The following TNKS variants were observed in gnomAD, a reference collection of about 807,000 sequenced individuals.
TNKS encodes poly [ADP-ribose] polymerase tankyrase-1.
TNKS carries 72 observed loss-of-function variants against 135.8 expected under a neutral mutation model. The observed-to-expected ratio is 0.53, with a 90% CI of 0.44 to 0.64. TNKS has a LOEUF of 0.64. TNKS is among the 30% of genes least tolerant of loss of function. The pLI, the probability that TNKS is intolerant of heterozygous loss-of-function variation, is 0.00. For synonymous variants in TNKS, 849 were observed against 649.3 expected (o/e 1.31, Z -4.68); for missense variants, 1,769 against 1,674.0 (o/e 1.06, Z -0.99).
intron 23 of TNKS, 44 bp downstream of exon 23, chr8:9,764,834 T>C: frequency 6.6e-7 from 1 of 1,506,198 alleles, no homozygotes; most frequent in South Asian, 1.3e-5. Context: ...TTGCAAGGCT[T>C]GCCTAAAAAC....
In TNKS at chr8:9,708,717, T is replaced by C. The variant is rs186185163; in HGVS notation, c.1578+225T>C. ...ACCTCAATTTGGAAATTATTTTACC[T>C]TTGTCTTCCCCACCTCATTATAACA... is the stretch of plus-strand genomic sequence containing the variant. On this transcript the variant is annotated intron_variant, in intron 9 of 26. Coordinates refer to ENST00000310430, the MANE Select transcript of TNKS (RefSeq NM_003747.3). Among the ~76,000 whole-genome samples, 47 of 152,282 alleles carry C rather than the reference T, an allele frequency of 3.1e-4. No homozygotes were observed. In the Middle Eastern group the frequency reaches 0.01, roughly 33 times the overall value.
At chr8:9,568,812 C>CT (rs36100282) in intron 1 of TNKS, among the ~76,000 whole-genome samples, 37,490 of 151,978 alleles carry the variant, frequency 0.25, 4,802 homozygotes, top group East Asian at 0.4. Flanking sequence ...CTCTTTGATT[C>CT]TGTACCCACA....
chr8:9,703,126 C>G (rs1188759723), intron 5 of TNKS, among the ~76,000 whole-genome samples: 1 of 152,156 alleles, frequency 6.6e-6, no homozygotes, highest in African/African-American at 2.4e-5. Context: ...CGGTAGATGC[C>G]TGAAGCCTCG....
chr8:9,644,754 T>C (rs1050433716), intron 3 of TNKS, among the ~76,000 whole-genome samples: 20 of 152,314 alleles, frequency 1.3e-4, no homozygotes, highest in Non-Finnish European at 2.5e-4. Flanking sequence ...CCTCGACTTA[T>C]GTTAGTTTGA....
intron 6 of TNKS, among the ~76,000 whole-genome samples, chr8:9,704,962 A>G (rs183328002): frequency 6.6e-6 from 1 of 152,298 alleles, no homozygotes; most frequent in African/African-American, 2.4e-5. Flanking sequence ...AATCAATTTA[A>G]TTTTATCACC....
intron 2 of TNKS, among the ~76,000 whole-genome samples, chr8:9,612,011 G>A (rs775537392): frequency 1.3e-5 from 2 of 151,986 alleles, no homozygotes; most frequent in Non-Finnish European, 2.9e-5. Flanking sequence ...ATTTTAGATC[G>A]TAATGCTTCA....
rs60138689 is a variant in TNKS, at chr8:9,721,298, T to TTATATATATATATATATATATATATATA, written c.1921+767_1921+768insTATATATATATATATATATATATATATA. Among the ~76,000 whole-genome samples, 610 of 117,978 alleles carry TTATATATATATATATATATATATATATA rather than the reference T, an allele frequency of 5.2e-3. 14 individuals carry two copies. Among genetic ancestry groups the TTATATATATATATATATATATATATATA allele is most frequent in the Middle Eastern group, 0.024 (5 of 210 alleles). The allele number at this position is 117,978 out of a possible 152,430, so 77.4% of individuals were successfully genotyped here. A position where few individuals can be genotyped will look rare whatever the true frequency, so the allele number is the denominator to read the frequency against. On this transcript the variant is annotated intron_variant, in intron 12 of 26. Coordinates refer to ENST00000310430, the MANE Select transcript of TNKS (RefSeq NM_003747.3). ...TCTGTCTCAAAAATAAATAAATAAA[T>TTATATATATATATATATATATATATATA]TATATATATATATAAAATTATAAAA...
At chr8:9,693,229 C>T (rs1803359927) in intron 5 of TNKS, among the ~76,000 whole-genome samples, 1 of 152,126 alleles carries the variant, frequency 6.6e-6, no homozygotes, top group African/African-American at 2.4e-5. Flanking sequence ...AATGGAAATA[C>T]TGTACAGCTC....
At chr8:9,580,590 C>T (rs1397117932) in intron 2 of TNKS, among the ~76,000 whole-genome samples, 1 of 152,098 alleles carries the variant, frequency 6.6e-6, no homozygotes, top group African/African-American at 2.4e-5. Flanking sequence ...CAAATGCAGT[C>T]AAATGCCTAT....
intron 3 of TNKS, among the ~76,000 whole-genome samples, chr8:9,634,150 A>G (rs1034618334): frequency 6.6e-6 from 1 of 151,114 alleles, no homozygotes; most frequent in Non-Finnish European, 1.5e-5. Context: ...GATAAACCAG[A>G]AAACATTGAA....
rs565701152 is a variant in TNKS at position 9,647,925 on chromosome 8, C to G, written c.995-32026C>G. The stretch of plus-strand genomic sequence containing the variant: ...GGTATAGCCTGTTGCTCCTAGAGTA[C>G]AAACCTGTACAGCATGTTACTCCAC... On this transcript the variant is annotated intron_variant, in intron 3 of 26. Coordinates refer to ENST00000310430, the MANE Select transcript of TNKS (RefSeq NM_003747.3). 8.7e-4 allele frequency among the ~76,000 whole-genome samples: 132 copies of G among 152,278 alleles called. 1 individual carries two copies. The highest frequency in any genetic ancestry group is 3.1e-3 in the African/African-American group (128 of 41,550).
At chr8:9,607,670 T>C (rs1799282758) in intron 2 of TNKS, among the ~76,000 whole-genome samples, 1 of 152,218 alleles carries the variant, frequency 6.6e-6, no homozygotes, top group Non-Finnish European at 1.5e-5. Context: ...TAACATGTTG[T>C]ATTATACTAT....
At position 9,589,215 on chromosome 8, in the gene TNKS, G is replaced by A. The variant is rs994251188; in HGVS notation, c.898+8832G>A. On this transcript the variant is annotated intron_variant, in intron 2 of 26. Transcript: ENST00000310430. ...TTGAATAAATGTAATCAGAAAGTAG[G>A]ATACTAGAAGCAGGACATACATTCT... Among the ~76,000 whole-genome samples, 8 of 152,256 alleles carry A rather than the reference G, an allele frequency of 5.3e-5. No homozygotes were observed. The South Asian group carries it at 1.0e-3, about 20-fold the overall frequency.
intron 17 of TNKS, among the ~76,000 whole-genome samples, chr8:9,746,769 G>A (rs184454964): frequency 1.0e-3 from 157 of 151,782 alleles, no homozygotes; most frequent in African/African-American, 3.7e-3. Flanking sequence ...CCCCTCGACT[G>A]TGCTCCAACC....
chr8:9,747,082 T>A (rs1318377909), intron 17 of TNKS, among the ~76,000 whole-genome samples: 1 of 151,698 alleles, frequency 6.6e-6, no homozygotes, highest in Non-Finnish European at 1.5e-5. Flanking sequence ...GGGGTTTCAC[T>A]ATGTTGGCCA....
intron 3 of TNKS, among the ~76,000 whole-genome samples, chr8:9,640,415 T>C (rs1431114448): frequency 6.9e-6 from 1 of 145,096 alleles, no homozygotes; most frequent in African/African-American, 2.6e-5. Flanking sequence ...CATATGAACT[T>C]TGGGGGATAC....
chr8:9,566,053 C>T (rs982083999), intron 1 of TNKS, among the ~76,000 whole-genome samples: 2 of 152,016 alleles, frequency 1.3e-5, no homozygotes, highest in African/African-American at 4.8e-5. Flanking sequence ...TAATACTCAT[C>T]AACCGTAGAA....
At chr8:9,615,274 C>T (rs564984743) in intron 2 of TNKS, 63 of 208,328 alleles carry the variant, frequency 3.0e-4, no homozygotes, top group Non-Finnish European at 2.3e-4. Flanking sequence ...TGTGAGCCAG[C>T]GAGCACATAG....
chr8:9,658,362 C>T (rs951918728), intron 3 of TNKS: 152 of 1,206,626 alleles, frequency 1.3e-4, no homozygotes, highest in Middle Eastern at 6.0e-4. Flanking sequence ...CGGCGCTCGC[C>T]GGCGCGGCGG....
Sources: allele counts gnomAD v4.1 joint callset (sites outside exome capture counted in the v4.1 genomes callset), GRCh38; gene constraint gnomAD v4.1.1; transcripts MANE v1.5; gene names NCBI Gene and HGNC (gene_info 2026-07-23, HGNC 2026-07-21).